The following GFOD2 variants were observed in gnomAD, a reference collection of about 807,000 sequenced individuals.
GFOD2 encodes glucose-fructose oxidoreductase domain-containing protein 2.
Under a neutral mutation model 24.6 loss-of-function variants are expected in GFOD2, and 9 were observed. That is an observed-to-expected ratio of 0.37 (90% confidence interval 0.22 to 0.64). GFOD2 has a LOEUF of 0.64. Among genes scored for constraint, GFOD2 ranks in the 30% least tolerant of loss-of-function variants. The probability of loss-of-function intolerance (pLI) is 0.65; values close to 1 mark genes in which losing one functional copy is unlikely to be tolerated. For synonymous variants in GFOD2, 211 were observed against 224.8 expected (o/e 0.94, Z 0.55); for missense variants, 476 against 532.5 (o/e 0.89, Z 1.04).
chr16:67,701,648 T>C (rs1453055056), intron 1 of GFOD2, among the ~76,000 whole-genome samples: 1 of 152,124 alleles, frequency 6.6e-6, no homozygotes. Context: ...TGTGGGGTGA[T>C]GAAACTGTTC....
intron 1 of GFOD2, among the ~76,000 whole-genome samples, chr16:67,689,775 T>C (rs2053297476): frequency 6.6e-6 from 1 of 152,200 alleles, no homozygotes; most frequent in Admixed American, 6.5e-5. Flanking sequence ...TCTTTTCACC[T>C]TGCAAAACTA....
rs568172583 is a variant in GFOD2, at chr16:67,692,934, G to A, written c.-87-7132C>T. ...AGTCCCAGCTACTCGGGAGGCTGAG[G>A]CGGGAGAATGGCGTGAACCCAGGAG... On this transcript the variant is annotated intron_variant, in intron 1 of 2. Coordinates refer to ENST00000268797, the MANE Select transcript of GFOD2 (RefSeq NM_030819.4). 2.2e-3 allele frequency among the ~76,000 whole-genome samples: 328 copies of A among 151,888 alleles called. 2 individuals are homozygous for A. The highest frequency in any genetic ancestry group is 0.01 in the Middle Eastern group (3 of 294).
intron 1 of GFOD2, among the ~76,000 whole-genome samples, chr16:67,708,419 G>C (rs2053452472): frequency 6.6e-6 from 1 of 152,192 alleles, no homozygotes; most frequent in South Asian, 2.1e-4. Flanking sequence ...AGCACTTGCT[G>C]AGCGTATCTG....
intron 2 of GFOD2, among the ~76,000 whole-genome samples, chr16:67,678,858 G>T (rs1482847336): frequency 6.6e-6 from 1 of 151,976 alleles, no homozygotes; most frequent in Non-Finnish European, 1.5e-5. Context: ...GAGAAAAAAA[G>T]CCCATTGTGA....
chr16:67,717,104 G>A (rs960392323), intron 1 of GFOD2, among the ~76,000 whole-genome samples: 1 of 152,024 alleles, frequency 6.6e-6, no homozygotes, highest in Non-Finnish European at 1.5e-5. Context: ...TTATGTTGGT[G>A]AGGCTGGTCT....
chr16:67,717,445 T>A (rs375961653), intron 1 of GFOD2, among the ~76,000 whole-genome samples: 2 of 152,222 alleles, frequency 1.3e-5, no homozygotes, highest in East Asian at 1.9e-4. Flanking sequence ...CTACTACCAA[T>A]GTGTTCTAGT....
chr16:67,704,984 C>T (rs1362275066), intron 1 of GFOD2, among the ~76,000 whole-genome samples: 1 of 152,206 alleles, frequency 6.6e-6, no homozygotes, highest in African/African-American at 2.4e-5. Context: ...TCATGGTCAG[C>T]TGCTACTTTT....
At position 67,676,041 on chromosome 16, in the gene GFOD2, T is replaced by C. The variant is rs1386583290; in HGVS notation, c.272A>G (p.Asn91Ser). ...TGTTGCTGCCTTCTCGCAAACCACATTCTTCCCAATACCTAACAACAGGAC... is the reference window on the plus strand; with the variant it reads ...TGTTGCTGCCTTCTCGCAAACCACACTCTTCCCAATACCTAACAACAGGAC... ...ISVKALGIGK[N>S]VVCEKAATSV... The change falls in exon 3 of 3, where the codon AAT becomes AGT. Residue 91 changes from asparagine (N) to serine (S), a missense_variant. Transcript: ENST00000268797. The C allele has an allele frequency of 6.2e-7, 1 of 1,609,322 alleles. No homozygotes were observed. The highest frequency in any genetic ancestry group is 8.5e-7 in the Non-Finnish European group (1 of 1,177,370).
intron 1 of GFOD2, among the ~76,000 whole-genome samples, chr16:67,695,990 T>C (rs1431607571): frequency 6.6e-6 from 1 of 151,930 alleles, no homozygotes; most frequent in Admixed American, 6.6e-5. Context: ...ATAGGGAATG[T>C]ATGTATCCAC....
intron 1 of GFOD2, among the ~76,000 whole-genome samples, chr16:67,700,526 A>G (rs1015451889): frequency 1.3e-5 from 2 of 152,202 alleles, no homozygotes; most frequent in African/African-American, 4.8e-5. Context: ...AGCCTGGCCA[A>G]CATGGTGAAA....
At chr16:67,702,398 T>C (rs2053408691) in intron 1 of GFOD2, among the ~76,000 whole-genome samples, 4 of 151,600 alleles carry the variant, frequency 2.6e-5, no homozygotes, top group African/African-American at 7.3e-5. Flanking sequence ...CACTTGAACC[T>C]GGGAGGCAGA....
rs1391920933 is a variant in GFOD2 at position 67,675,011 on chromosome 16, G to A, written c.*144C>T. The A allele has an allele frequency of 3.3e-6, 3 of 906,810 alleles. No homozygotes were observed. In the African/African-American group the frequency reaches 5.0e-5, roughly 15 times the overall value. 56.2% of individuals were successfully genotyped at this position (906,810 alleles called of 1,614,324 possible). A position where few individuals can be genotyped will look rare whatever the true frequency, so the allele number is the denominator to read the frequency against. On this transcript the variant is annotated 3_prime_UTR_variant, in exon 3 of 3. Transcript: ENST00000268797. ...AGGAGCAGATGAGCCACTGGAGGGG[G>A]CGAAGTCCCAGAGCCACCTCTGGCT... is the stretch of plus-strand genomic sequence containing the variant.
At chr16:67,701,780 C>G (rs1426107882) in intron 1 of GFOD2, among the ~76,000 whole-genome samples, 1 of 148,920 alleles carries the variant, frequency 6.7e-6, no homozygotes, top group Non-Finnish European at 1.5e-5. Context: ...GTGACTGACC[C>G]CACTTAAAAA....
At chr16:67,701,616 C>G (rs1312149657) in intron 1 of GFOD2, among the ~76,000 whole-genome samples, 1 of 152,052 alleles carries the variant, frequency 6.6e-6, no homozygotes. Context: ...GTGTAGACAA[C>G]AAAGGGGCAC....
At chr16:67,710,553 G>A (rs767570726) in intron 1 of GFOD2, among the ~76,000 whole-genome samples, 3 of 151,776 alleles carry the variant, frequency 2.0e-5, no homozygotes, top group Non-Finnish European at 4.4e-5. Flanking sequence ...TAGTAGAGAC[G>A]GGGTTTCACC....
At chr16:67,708,923 A>G (rs192759636) in intron 1 of GFOD2, among the ~76,000 whole-genome samples, 9 of 152,190 alleles carry the variant, frequency 5.9e-5, no homozygotes, top group Admixed American at 5.9e-4. Context: ...CTTTTCAGTA[A>G]TTTCATCCTA....
chr16:67,675,711 A>G lies in GFOD2; in HGVS notation c.602T>C (p.Leu201Pro), dbSNP rs2053179515. Residue 201 changes from leucine (L) to proline (P), a missense_variant, in exon 3 of 3, where the codon CTC becomes CCC. By Grantham distance (98) the Leu-to-Pro change is moderately conservative. Transcript: ENST00000268797. ...AGCGTTCTGCCTCACGAATGTCTTG[A>G]GCAGCCCGTGCACCTTCTCGGCTCT... Reference protein sequence around the residue: ...GRRAEKVHGLLKTFVRQNAAI... With the variant: ...GRRAEKVHGLPKTFVRQNAAI... 1 of 1,614,052 alleles carries G rather than the reference A, an allele frequency of 6.2e-7. No homozygotes were observed. The highest frequency in any genetic ancestry group is 8.5e-7 in the Non-Finnish European group (1 of 1,180,038).
chr16:67,681,375 G>C, intron 2 of GFOD2: 1 of 985,404 alleles, frequency 1.0e-6, no homozygotes, highest in Non-Finnish European at 1.2e-6. Flanking sequence ...CATGCCTCAA[G>C]AGGTGAGGAA....
intron 1 of GFOD2, among the ~76,000 whole-genome samples, chr16:67,692,855 T>C (rs1189235088): frequency 6.6e-6 from 1 of 150,838 alleles, no homozygotes; most frequent in Admixed American, 6.6e-5. Flanking sequence ...TAAAACCCCG[T>C]CTCTACTAAA....
Sources: allele counts gnomAD v4.1 joint callset (sites outside exome capture counted in the v4.1 genomes callset), GRCh38; gene constraint gnomAD v4.1.1; transcripts MANE v1.5; gene names NCBI Gene and HGNC (gene_info 2026-07-23, HGNC 2026-07-21).